Variants in CCDC60 observed in about 807,000 individuals in gnomAD.
The protein encoded by CCDC60 is coiled-coil domain containing 60.
CCDC60 carries 54 observed loss-of-function variants against 63.5 expected under a neutral mutation model. The ratio of observed to expected loss-of-function variants is 0.85; its 90% CI spans 0.68 to 1.07. CCDC60 has a LOEUF of 1.07. CCDC60 is among the 50% of genes least tolerant of loss of function. The probability of loss-of-function intolerance (pLI) is 0.00; values close to 1 mark genes in which losing one functional copy is unlikely to be tolerated. For synonymous variants in CCDC60, 206 were observed against 238.8 expected (o/e 0.86, Z 1.27); for missense variants, 651 against 684.3 (o/e 0.95, Z 0.54).
At chr12:119,347,703 A>G (rs1955611602) in intron 1 of CCDC60, among the ~76,000 whole-genome samples, 1 of 152,190 alleles carries the variant, frequency 6.6e-6, no homozygotes. Context: ...TGGGTGCTCC[A>G]TATATATGAA....
intron 1 of CCDC60, among the ~76,000 whole-genome samples, chr12:119,340,494 G>A (rs376151821): frequency 8.9e-4 from 135 of 152,210 alleles, no homozygotes; most frequent in African/African-American, 2.9e-3. Context: ...GAAAAGACCT[G>A]GGCCTGACGG....
chr12:119,403,513 T>C (rs906018193), intron 1 of CCDC60, among the ~76,000 whole-genome samples: 1 of 152,176 alleles, frequency 6.6e-6, no homozygotes, highest in Non-Finnish European at 1.5e-5. Flanking sequence ...CATTGGGCTT[T>C]AATCACCCAG....
intron 1 of CCDC60, among the ~76,000 whole-genome samples, chr12:119,337,860 GTGTGTC>G (rs1955490247): frequency 6.9e-6 from 1 of 144,192 alleles, no homozygotes; most frequent in Non-Finnish European, 1.5e-5. Flanking sequence ...GTGTGTGTGT[GTGTGTC>G]TCCATGTTGG....
chr12:119,532,994 C>T (rs902282424), intron 13 of CCDC60, among the ~76,000 whole-genome samples: 3 of 152,194 alleles, frequency 2.0e-5, no homozygotes, highest in Non-Finnish European at 2.9e-5. Flanking sequence ...AATCACCACT[C>T]TGTCTTCCAA....
intron 1 of CCDC60, among the ~76,000 whole-genome samples, chr12:119,352,239 C>T (rs1021177157): frequency 6.6e-6 from 1 of 152,192 alleles, no homozygotes; most frequent in African/African-American, 2.4e-5. Context: ...ATGATCCAGT[C>T]GCCTTCTACC....
At chr12:119,428,234 A>G (rs1279526095) in intron 1 of CCDC60, among the ~76,000 whole-genome samples, 1 of 152,160 alleles carries the variant, frequency 6.6e-6, no homozygotes, top group African/African-American at 2.4e-5. Context: ...TGCTAAAACC[A>G]CCAATAATAA....
At chr12:119,448,856 T>C (rs551440720) in intron 2 of CCDC60, among the ~76,000 whole-genome samples, 3 of 152,310 alleles carry the variant, frequency 2.0e-5, no homozygotes, top group East Asian at 3.9e-4. Flanking sequence ...TGTTGACACT[T>C]GGCAGGTTTT....
chr12:119,477,740 G>A (rs1951206421), intron 3 of CCDC60, among the ~76,000 whole-genome samples: 1 of 152,210 alleles, frequency 6.6e-6, no homozygotes, highest in Admixed American at 6.5e-5. Context: ...GGTAACTGAA[G>A]AAGCACACAC....
chr12:119,515,675 G>A (rs1770915512), intron 7 of CCDC60, among the ~76,000 whole-genome samples: 2 of 152,164 alleles, frequency 1.3e-5, no homozygotes, highest in Admixed American at 1.3e-4. Flanking sequence ...AAGGCAAGGA[G>A]GGGTGGTGGG....
At chr12:119,470,628 C>T (rs1171436049) in intron 2 of CCDC60, among the ~76,000 whole-genome samples, 1 of 152,210 alleles carries the variant, frequency 6.6e-6, no homozygotes, top group Non-Finnish European at 1.5e-5. Context: ...GCCATGGCAG[C>T]TGGCTGGGAA....
At chr12:119,503,424 G>A (rs1363802577) in intron 6 of CCDC60, among the ~76,000 whole-genome samples, 1 of 152,176 alleles carries the variant, frequency 6.6e-6, no homozygotes, top group Non-Finnish European at 1.5e-5. Flanking sequence ...CAAAGGAGAG[G>A]ACATGCCTGC....
chr12:119,447,019 C>T (rs150902798), intron 2 of CCDC60, among the ~76,000 whole-genome samples: 55 of 152,138 alleles, frequency 3.6e-4, no homozygotes, highest in African/African-American at 1.1e-3. Context: ...AGACGAGAGG[C>T]GATAGCTTAA....
intron 2 of CCDC60, among the ~76,000 whole-genome samples, chr12:119,455,935 GAA>G (rs1412499280): frequency 3.1e-5 from 2 of 64,922 alleles, no homozygotes; most frequent in Non-Finnish European, 2.8e-5. Context: ...GAAAGAAAGA[GAA>G]AGAGAGAGAA....
intron 1 of CCDC60, among the ~76,000 whole-genome samples, chr12:119,387,532 C>T (rs1463108205): frequency 6.6e-6 from 1 of 152,218 alleles, no homozygotes; most frequent in African/African-American, 2.4e-5. Flanking sequence ...CATCTCCCAG[C>T]TCCAGAGGTA....
At chr12:119,368,748 T>C (rs960299237) in intron 1 of CCDC60, among the ~76,000 whole-genome samples, 1 of 152,232 alleles carries the variant, frequency 6.6e-6, no homozygotes, top group African/African-American at 2.4e-5. Flanking sequence ...CACCTTGGGT[T>C]TCCATGACAA....
chr12:119,523,458 G>A (rs936083502), intron 10 of CCDC60, among the ~76,000 whole-genome samples: 16 of 152,216 alleles, frequency 1.1e-4, no homozygotes, highest in Admixed American at 3.3e-4. Context: ...TTGTCTCACT[G>A]TGGGCTCATT....
At chr12:119,354,953 T>G (rs1565967966) in intron 1 of CCDC60, among the ~76,000 whole-genome samples, 1 of 152,316 alleles carries the variant, frequency 6.6e-6, no homozygotes, top group East Asian at 1.9e-4. Flanking sequence ...TAGAGTAACC[T>G]TGCAGGGCAT....
At position 119,507,555 on chromosome 12, in the gene CCDC60, TATATATATATATATGTATATATACAC is replaced by T. The variant is rs1369049126; in HGVS notation, c.883+2262_883+2287del. Among the ~76,000 whole-genome samples, 27 of 69,182 alleles carry T rather than the reference TATATATATATATATGTATATATACAC, an allele frequency of 3.9e-4. 1 individual carries two copies. Among genetic ancestry groups the T allele is most frequent in the African/African-American group, 1.6e-3 (19 of 11,792 alleles). The allele number at this position is 69,182 out of a possible 152,430, so 45.4% of individuals were successfully genotyped here. A position where few individuals can be genotyped will look rare whatever the true frequency, so the allele number is the denominator to read the frequency against. On this transcript the variant is annotated intron_variant, in intron 7 of 13. Transcript: ENST00000327554. ...ATATATATACACATATATATACATA[TATATATATATATATGTATATATACAC>T]ATATATATACATATATATATATATA... is the stretch of plus-strand genomic sequence containing the variant.
chr12:119,511,318 T>C (rs1255740279), intron 7 of CCDC60, among the ~76,000 whole-genome samples: 1 of 152,226 alleles, frequency 6.6e-6, no homozygotes, highest in Non-Finnish European at 1.5e-5. Flanking sequence ...CCAAGGTTTC[T>C]GCATAATGAA....
Sources: gnomAD v4.1 joint callset for allele counts (sites outside exome capture counted in the v4.1 genomes callset) on GRCh38, gnomAD v4.1.1 for gene constraint, MANE v1.5 for transcripts, NCBI Gene and HGNC (gene_info 2026-07-23, HGNC 2026-07-21) for gene names.